Variants in KHNYN observed in about 807,000 individuals in gnomAD.
KHNYN encodes KH and NYN domain containing, also known as protein KHNYN.
A neutral mutation model predicts 62.7 loss-of-function variants in KHNYN; 42 were observed. The observed-to-expected ratio is 0.67, with a 90% CI of 0.52 to 0.87. KHNYN has a LOEUF of 0.87. Among genes scored for constraint, KHNYN ranks in the 40% least tolerant of loss-of-function variants. KHNYN has a pLI of 0.00. For synonymous variants in KHNYN, 347 were observed against 345.6 expected, an observed-to-expected ratio of 1.00 and a Z score of -0.04; for missense variants, 829 against 874.1, an observed-to-expected ratio of 0.95 and a Z score of 0.65.
At position 24,437,408 on chromosome 14, in the gene KHNYN, C is replaced by A; in HGVS notation, c.*123C>A. The stretch of plus-strand genomic sequence containing the variant: ...GGCACCCTGAGTTGGTGCTTTGGAT[C>A]AGGGAAGCCACTTTGGGACAGGTCC... On this transcript the variant is annotated 3_prime_UTR_variant, in exon 8 of 8. Transcript: ENST00000553935. The surrounding 1 kb of genome is among the most constrained non-coding windows in gnomAD (Gnocchi z 5.5). The A allele has an allele frequency of 8.3e-7, 1 of 1,208,882 alleles. No individual in the cohort carries two copies. Among genetic ancestry groups the A allele is most frequent in the Non-Finnish European group, 1.1e-6 (1 of 879,214 alleles). 74.9% of individuals were successfully genotyped at this position (1,208,882 alleles called of 1,614,324 possible). A position where few individuals can be genotyped will look rare whatever the true frequency, so the allele number is the denominator to read the frequency against.
chr14:24,433,088 T>A, intron 5 of KHNYN, 56 bp downstream of exon 5: 1 of 1,489,550 alleles, frequency 6.7e-7, no homozygotes, highest in Non-Finnish European at 9.4e-7. Flanking sequence ...TATGGAAGAC[T>A]GAGGGAGAGA....
Position 24,440,918 on chromosome 14 carries a change from G to T in KHNYN, c.*3633G>T, listed in dbSNP as rs566725525. 3.1e-6 allele frequency: 5 copies of T among 1,614,014 alleles called. No homozygotes were observed. Among genetic ancestry groups the T allele is most frequent in the East Asian group, 2.2e-5 (1 of 44,892 alleles). On this transcript the variant is annotated 3_prime_UTR_variant, in exon 8 of 8. Coordinates refer to ENST00000553935, the MANE Select transcript of KHNYN (RefSeq NM_015299.3). The stretch of plus-strand genomic sequence containing the variant: ...TCATACTCCGCAGTCAGACTGGGCT[G>T]GTAGTAAGCTGCCGGTGGAACACAA...
upstream of KHNYN, chr14:24,427,704 C>G: frequency 7.9e-7 from 1 of 1,273,532 alleles, no homozygotes; most frequent in Non-Finnish European, 1.1e-6. This position sits in a 1 kb window ranked among gnomAD's most constrained non-coding sequence, Gnocchi z 4.4. Context: ...GGGAGTCTCT[C>G]TCCTGCCTCT....
rs1566497993 is a variant in KHNYN, at chr14:24,432,156, T to A, written c.895T>A (p.Ser299Thr). Residue 299 changes from serine to threonine, a missense_variant, in exon 3 of 8, where the codon TCA becomes ACA. By Grantham distance (58) the Ser-to-Thr change is moderately conservative (BLOSUM62 1). Transcript: ENST00000553935. The surrounding 1 kb of genome is among the most constrained non-coding windows in gnomAD (Gnocchi z 5.6). Reference sequence around the variant, plus strand: ...GTCAGTGGGTGGAGGGGCAAGGGAGTCAGCACCCCTGAAAGGGAAGGCCCT... The same window carrying A: ...GTCAGTGGGTGGAGGGGCAAGGGAGACAGCACCCCTGAAAGGGAAGGCCCT... ...PQSVGGGARE[S>T]APLKGKALGK... The A allele has an allele frequency of 1.9e-6, 3 of 1,556,362 alleles. No individual in the cohort carries two copies. The highest frequency in any genetic ancestry group is 1.7e-6 in the Non-Finnish European group (2 of 1,149,720).
At chr14:24,425,712 A>G (rs933035981), upstream of KHNYN, among the ~76,000 whole-genome samples, 11 of 152,220 alleles carry the variant, frequency 7.2e-5, no homozygotes, top group Non-Finnish European at 1.5e-4. Flanking sequence ...ATCTCATTAT[A>G]ATTAGTGGGG....
chr14:24,441,615 G>A lies in KHNYN; in HGVS notation c.*4330G>A. 2.8e-6 allele frequency: 4 copies of A among 1,438,356 alleles called. No individual in the cohort carries two copies. The highest frequency in any genetic ancestry group is 3.8e-6 in the Non-Finnish European group (4 of 1,054,166). 89.1% of individuals were successfully genotyped at this position (1,438,356 alleles called of 1,614,324 possible). On this transcript the variant is annotated 3_prime_UTR_variant, in exon 8 of 8. Coordinates refer to ENST00000553935, the MANE Select transcript of KHNYN (RefSeq NM_015299.3). ...GCTCTGGTGTGTGCATAGCTACAGA[G>A]GTCTGAGTTACCCCGTTCCCCTGGC...
intron 7 of KHNYN, 92 bp from the exon 8 acceptor site, chr14:24,436,944 A>G: frequency 6.7e-7 from 1 of 1,493,760 alleles, no homozygotes; most frequent in Non-Finnish European, 9.0e-7. Context: ...CAAAGCCAGG[A>G]ATAGGCAGGA....
At chr14:24,430,204 T>G in intron 1 of KHNYN, 85 bp downstream of exon 1, 2 of 939,362 alleles carry the variant, frequency 2.1e-6, no homozygotes, top group Non-Finnish European at 2.5e-6. Context: ...GCTGCCCCAG[T>G]CCGCGGTGGG....
chr14:24,439,819 C>T lies in KHNYN; in HGVS notation c.*2534C>T, dbSNP rs1463574263. ...AAACTGCAGAGCATTCTCTACACAGCGTAAAGGAGAAGTGGGGCAGCTGCA... is the reference window on the plus strand; with the variant it reads ...AAACTGCAGAGCATTCTCTACACAGTGTAAAGGAGAAGTGGGGCAGCTGCA... On this transcript the variant is annotated 3_prime_UTR_variant, in exon 8 of 8. Coordinates refer to ENST00000553935, the MANE Select transcript of KHNYN (RefSeq NM_015299.3). The T allele has an allele frequency of 9.4e-6, 4 of 423,660 alleles. No individual in the cohort carries two copies. The highest frequency in any genetic ancestry group is 4.0e-5 in the Admixed American group (1 of 24,706). 26.2% of individuals were successfully genotyped at this position (423,660 alleles called of 1,614,324 possible). A position where few individuals can be genotyped will look rare whatever the true frequency, so the allele number is the denominator to read the frequency against.
upstream of KHNYN, chr14:24,429,683 C>T (rs952069608): frequency 1.0e-6 from 1 of 984,896 alleles, no homozygotes; most frequent in Non-Finnish European, 1.2e-6. Flanking sequence ...CCTCTTTGGT[C>T]GGCCACATCT....
upstream of KHNYN, chr14:24,429,655 A>C: frequency 9.0e-7 from 1 of 1,116,368 alleles, no homozygotes; most frequent in Non-Finnish European, 1.1e-6. Context: ...CTAGAGCACC[A>C]GTGGGCCAGT....
chr14:24,423,896 ATTTATTG>A, the KHNYN span, among the ~76,000 whole-genome samples: 1 of 152,164 alleles, frequency 6.6e-6, no homozygotes, highest in Non-Finnish European at 1.5e-5. Context: ...CCTGTGCTTT[ATTTATTG>A]TTTAATCTAT....
chr14:24,425,255 C>T (rs960583164), upstream of KHNYN, among the ~76,000 whole-genome samples: 1 of 152,154 alleles, frequency 6.6e-6, no homozygotes, highest in Non-Finnish European at 1.5e-5. Context: ...GCTAATTTCC[C>T]CTTCTTCCTT....
Position 24,440,945 on chromosome 14 carries a change from C to A in KHNYN, c.*3660C>A. ...TAGTAAGCTGCCGGTGGAACACAAT[C>A]ATTTGCCCTGGGTGTCCTTGGTCCT... On this transcript the variant is annotated 3_prime_UTR_variant, in exon 8 of 8. Transcript: ENST00000553935. The A allele has an allele frequency of 6.2e-7, 1 of 1,613,942 alleles. No individual in the cohort carries two copies. Among genetic ancestry groups the A allele is most frequent in the South Asian group, 1.1e-5 (1 of 91,060 alleles).
In KHNYN at chr14:24,439,163, G is replaced by T. The variant is rs1037494285; in HGVS notation, c.*1878G>T. 1 of 152,154 alleles carries T rather than the reference G, an allele frequency of 6.6e-6. No individual in the cohort carries two copies. Among genetic ancestry groups the T allele is most frequent in the Admixed American group, 6.5e-5 (1 of 15,282 alleles). 9.4% of individuals were successfully genotyped at this position (152,154 alleles called of 1,614,324 possible). On this transcript the variant is annotated 3_prime_UTR_variant, in exon 8 of 8. Coordinates refer to ENST00000553935, the MANE Select transcript of KHNYN (RefSeq NM_015299.3). ...GTCACAGCTTTAGGTAGGTAAAAAG[G>T]GTCCTAGATGAAAACCTTGGAGTTT... is the stretch of plus-strand genomic sequence containing the variant.
intron 5 of KHNYN, chr14:24,435,788 A>G (rs2043195407): frequency 1.7e-5 from 8 of 465,238 alleles, no homozygotes; most frequent in Non-Finnish European, 3.9e-6. Flanking sequence ...AGTTGCCTGT[A>G]GCTGGGTCAA....
chr14:24,440,249 C>G lies in KHNYN; in HGVS notation c.*2964C>G, dbSNP rs765594883. Reference sequence around the variant, plus strand: ...AGCGCTGGGGAGAGGGATGAAGGCTCGGCGGCCCAGGGCAGCACCCAAGGT... The same window carrying G: ...AGCGCTGGGGAGAGGGATGAAGGCTGGGCGGCCCAGGGCAGCACCCAAGGT... On this transcript the variant is annotated 3_prime_UTR_variant, in exon 8 of 8. Coordinates refer to ENST00000553935, the MANE Select transcript of KHNYN (RefSeq NM_015299.3). 2 of 1,613,754 alleles carry G rather than the reference C, an allele frequency of 1.2e-6. No individual in the cohort carries two copies. The highest frequency in any genetic ancestry group is 2.7e-5 in the African/African-American group (2 of 74,928).
At chr14:24,434,965 T>G (rs552407786) in intron 5 of KHNYN, among the ~76,000 whole-genome samples, 4 of 152,272 alleles carry the variant, frequency 2.6e-5, no homozygotes, top group East Asian at 1.9e-4. Flanking sequence ...CCATTCTGGC[T>G]GGGGTTTTGT....
intron 2 of KHNYN, 113 bp downstream of exon 2, chr14:24,431,044 A>C (rs1457388677): frequency 1.6e-5 from 16 of 1,001,094 alleles, no homozygotes; most frequent in South Asian, 5.1e-5. Flanking sequence ...GAGGATCTCC[A>C]CTTCTTGGTT....
Sources: gnomAD v4.1 joint callset for allele counts (sites outside exome capture counted in the v4.1 genomes callset) on GRCh38, gnomAD v4.1.1 for gene constraint, Gnocchi (gnomAD v3.1) non-coding constraint, MANE v1.5 for transcripts, NCBI Gene and HGNC (gene_info 2026-07-23, HGNC 2026-07-21) for gene names.